NAALADL2: variants seen among roughly 807,000 people sequenced by gnomAD.
The protein encoded by NAALADL2 is inactive N-acetylated-alpha-linked acidic dipeptidase-like protein 2.
A neutral mutation model predicts 87.2 loss-of-function variants in NAALADL2; 76 were observed. The observed-to-expected ratio is 0.87, with a 90% CI of 0.72 to 1.05. The LOEUF (loss-of-function observed/expected upper bound fraction) is 1.05. Ranked by LOEUF, NAALADL2 falls within the 50% of genes least tolerant of loss-of-function variation. The pLI is 0.00. For missense variants in NAALADL2, 1,089 were observed against 945.8 expected, an observed-to-expected ratio of 1.15 and a Z score of -1.99; for synonymous variants, 354 against 331.0, an observed-to-expected ratio of 1.07 and a Z score of -0.75.
At chr3:174,886,303 G>C (rs1325290634) in intron 1 of NAALADL2, among the ~76,000 whole-genome samples, 1 of 152,016 alleles carries the variant, frequency 6.6e-6, no homozygotes, top group Non-Finnish European at 1.5e-5. Flanking sequence ...TGGGAGGCTA[G>C]GCCAGTCTCT....
chr3:175,668,027 G>A (rs1356355217), intron 11 of NAALADL2, among the ~76,000 whole-genome samples: 2 of 152,032 alleles, frequency 1.3e-5, no homozygotes, highest in African/African-American at 4.8e-5. Flanking sequence ...ATAGGCTGCA[G>A]TAATTACATT....
At chr3:174,774,434 A>G (rs902059364) in intron 3 of NAALADL2, among the ~76,000 whole-genome samples, 2 of 152,170 alleles carry the variant, frequency 1.3e-5, no homozygotes, top group Admixed American at 6.6e-5. Context: ...TTGGTCAGCC[A>G]TACCTTCACA....
intron 3 of NAALADL2, among the ~76,000 whole-genome samples, chr3:174,824,344 A>G (rs1227695121): frequency 6.6e-6 from 1 of 152,210 alleles, no homozygotes; most frequent in Non-Finnish European, 1.5e-5. Flanking sequence ...CTTGCTAACA[A>G]TAGAATGCGA....
chr3:175,779,496 A>G (rs943321525), intron 13 of NAALADL2, among the ~76,000 whole-genome samples: 2 of 151,710 alleles, frequency 1.3e-5, no homozygotes, highest in Non-Finnish European at 2.9e-5. Flanking sequence ...TTCCTACCTC[A>G]ATAGGGCAAA....
chr3:175,320,634 A>G (rs1308752492), intron 4 of NAALADL2, among the ~76,000 whole-genome samples: 2 of 152,220 alleles, frequency 1.3e-5, no homozygotes, highest in East Asian at 1.9e-4. Flanking sequence ...ATATGTTACA[A>G]TACTGCAGGT....
chr3:174,669,178 G>C (rs1726274202), intron 2 of NAALADL2, among the ~76,000 whole-genome samples: 2 of 152,114 alleles, frequency 1.3e-5, no homozygotes, highest in Admixed American at 1.3e-4. Flanking sequence ...CAGTGATGAT[G>C]AGCATTTTTT....
chr3:175,351,602 T>C (rs147971100), intron 5 of NAALADL2, among the ~76,000 whole-genome samples: 2 of 152,254 alleles, frequency 1.3e-5, no homozygotes, highest in African/African-American at 2.4e-5. Flanking sequence ...TAGACAACAC[T>C]GACTGCAGTA....
At chr3:175,111,256 G>C (rs541269461) in intron 2 of NAALADL2, among the ~76,000 whole-genome samples, 6 of 151,810 alleles carry the variant, frequency 4.0e-5, no homozygotes, top group Admixed American at 3.3e-4. Flanking sequence ...AATCCAAAAA[G>C]AGCTACAACA....
intron 4 of NAALADL2, among the ~76,000 whole-genome samples, chr3:175,263,040 G>T (rs1751351151): frequency 6.7e-6 from 1 of 149,554 alleles, no homozygotes; most frequent in Non-Finnish European, 1.5e-5. Flanking sequence ...CATCTTTTAT[G>T]ATTCTAAGAC....
At position 174,555,546 on chromosome 3, in the gene NAALADL2, G is replaced by A. The variant is rs1232745994; in HGVS notation, c.-115+4909G>A. ...AACTCCTGACCTCTGGTGGTCCGCC[G>A]GCCTTGGCCTCCCAAAGTGCTGGGA... On this transcript the variant is annotated intron_variant, in intron 2 of 3. Transcript: ENST00000434257. 3.3e-5 allele frequency among the ~76,000 whole-genome samples: 5 copies of A among 151,974 alleles called. No individual in the cohort carries two copies. The South Asian group carries it at 6.2e-4, about 19-fold the overall frequency.
At chr3:175,730,411 T>TATATATATATATATATATATATATAG (rs1743541163) in intron 11 of NAALADL2, among the ~76,000 whole-genome samples, 1 of 84,358 alleles carries the variant, frequency 1.2e-5, no homozygotes, top group Non-Finnish European at 2.5e-5. Context: ...TATATATATA[T>TATATATATATATATATATATATATAG]ATATATATAT....
At chr3:175,715,240 C>A (rs1325078904) in intron 11 of NAALADL2, among the ~76,000 whole-genome samples, 1 of 152,126 alleles carries the variant, frequency 6.6e-6, no homozygotes, top group Non-Finnish European at 1.5e-5. Context: ...GATAAACTGG[C>A]TGCTACACCA....
At chr3:175,526,390 C>T (rs577376174) in intron 9 of NAALADL2, among the ~76,000 whole-genome samples, 3 of 152,234 alleles carry the variant, frequency 2.0e-5, no homozygotes, top group Non-Finnish European at 4.4e-5. Flanking sequence ...CCTATCCTTG[C>T]TCTTTAAGCA....
chr3:174,862,369 G>A (rs563982682), intron 1 of NAALADL2, among the ~76,000 whole-genome samples: 15 of 152,050 alleles, frequency 9.9e-5, no homozygotes, highest in Admixed American at 9.2e-4. Context: ...GAACTACCTG[G>A]AATATGCCTT....
chr3:175,730,424 A>G (rs1390726609), intron 11 of NAALADL2, among the ~76,000 whole-genome samples: 1 of 100,116 alleles, frequency 1.0e-5, no homozygotes, highest in Non-Finnish European at 2.3e-5. Flanking sequence ...ATATATATAT[A>G]TATATATATA....
At chr3:175,383,712 C>T (rs756250333) in intron 5 of NAALADL2, among the ~76,000 whole-genome samples, 32 of 152,028 alleles carry the variant, frequency 2.1e-4, no homozygotes, top group Non-Finnish European at 3.2e-4. Context: ...TCCTACACTA[C>T]AATTAAACCA....
chr3:174,982,604 T>G (rs996303022), intron 1 of NAALADL2, among the ~76,000 whole-genome samples: 4 of 152,248 alleles, frequency 2.6e-5, no homozygotes, highest in African/African-American at 9.6e-5. Context: ...CAATTTCCCC[T>G]GCCTAATGTT....
chr3:175,406,683 A>G (rs905014958), intron 5 of NAALADL2, among the ~76,000 whole-genome samples: 1 of 152,134 alleles, frequency 6.6e-6, no homozygotes. Context: ...TCCATTTTCT[A>G]TCCTGTATAT....
At chr3:174,991,486 T>C (rs1224620805) in intron 1 of NAALADL2, among the ~76,000 whole-genome samples, 1 of 152,126 alleles carries the variant, frequency 6.6e-6, no homozygotes, top group Non-Finnish European at 1.5e-5. Context: ...TTATTTGATA[T>C]ATGTTTTATT....
Sources: allele counts gnomAD v4.1 joint callset (sites outside exome capture counted in the v4.1 genomes callset), GRCh38; gene constraint gnomAD v4.1.1; transcripts MANE v1.5; gene names NCBI Gene and HGNC (gene_info 2026-07-23, HGNC 2026-07-21).